The following PHYHIPL variants were observed in gnomAD, a reference collection of about 807,000 sequenced individuals.
The protein encoded by PHYHIPL is phytanoyl-CoA hydroxylase-interacting protein-like.
Under a neutral mutation model 33.4 loss-of-function variants are expected in PHYHIPL, and 9 were observed. The ratio of observed to expected loss-of-function variants is 0.27; its 90% confidence interval spans 0.16 to 0.47. The LOEUF (loss-of-function observed/expected upper bound fraction) is 0.47. PHYHIPL is among the 20% of genes least tolerant of loss of function. The pLI is 0.99. For synonymous variants in PHYHIPL, 153 were observed against 154.1 expected, an observed-to-expected ratio of 0.99 and a Z score of 0.05; for missense variants, 365 against 460.7, an observed-to-expected ratio of 0.79 and a Z score of 1.90.
chr10:59,187,264 G>T (rs190649685), intron 1 of PHYHIPL, among the ~76,000 whole-genome samples: 3 of 152,076 alleles, frequency 2.0e-5, no homozygotes, highest in Non-Finnish European at 4.4e-5. Flanking sequence ...GCTGGATTAC[G>T]TTTATTGATT....
intron 1 of PHYHIPL, among the ~76,000 whole-genome samples, chr10:59,205,664 G>GA: frequency 6.6e-6 from 1 of 152,224 alleles, no homozygotes; most frequent in Admixed American, 6.5e-5. Flanking sequence ...TTTTCAGGCA[G>GA]AAAAAGCAGA....
At position 59,246,856 on chromosome 10, in the gene PHYHIPL, GAC is replaced by G; in HGVS notation, c.*1269_*1270del. ...TGGACACATTAGATTATATACTACA[GAC>G]ACATATCTATCCAAAATACCTATTT... On this transcript the variant is annotated 3_prime_UTR_variant, in exon 5 of 5. Transcript: ENST00000373880. The G allele has an allele frequency of 2.6e-6, 1 of 379,250 alleles. No individual in the cohort carries two copies. Among genetic ancestry groups the G allele is most frequent in the Non-Finnish European group, 4.7e-6 (1 of 214,168 alleles). The allele number at this position is 379,250 out of a possible 1,614,324, so 23.5% of individuals were successfully genotyped here.
At chr10:59,198,175 G>A (rs914905006) in intron 1 of PHYHIPL, among the ~76,000 whole-genome samples, 2 of 151,922 alleles carry the variant, frequency 1.3e-5, no homozygotes, top group Admixed American at 6.6e-5. Context: ...TTTACATTAC[G>A]TATATCTCCT....
chr10:59,246,777 T>C lies in PHYHIPL; in HGVS notation c.*1186T>C. 2.5e-6 allele frequency: 1 copy of C among 394,840 alleles called. No homozygotes were observed. Among genetic ancestry groups the C allele is most frequent in the Non-Finnish European group, 4.5e-6 (1 of 223,684 alleles). 24.5% of individuals were successfully genotyped at this position (394,840 alleles called of 1,614,324 possible). A position where few individuals can be genotyped will look rare whatever the true frequency, so the allele number is the denominator to read the frequency against. ...CATTAAGAAAAATGTATATTCCCAA[T>C]GAAAAAATAGTTATATCATCTTATA... On this transcript the variant is annotated 3_prime_UTR_variant, in exon 5 of 5. Transcript: ENST00000373880.
chr10:59,193,413 A>T (rs1308393729), intron 1 of PHYHIPL, among the ~76,000 whole-genome samples: 1 of 152,216 alleles, frequency 6.6e-6, no homozygotes, highest in African/African-American at 2.4e-5. Flanking sequence ...TACAGTGCAT[A>T]AAATAAATGA....
intron 1 of PHYHIPL, chr10:59,177,431 T>G (rs1838284295): frequency 1.3e-6 from 2 of 1,484,948 alleles, no homozygotes; most frequent in South Asian, 1.4e-5. Context: ...ATCCTCAGAC[T>G]CCCCAAATTA....
chr10:59,217,468 C>G (rs1212909050), intron 1 of PHYHIPL, among the ~76,000 whole-genome samples: 2 of 151,806 alleles, frequency 1.3e-5, no homozygotes, highest in Non-Finnish European at 2.9e-5. Context: ...ACCTCTTGCT[C>G]ATTTTTCTCT....
At chr10:59,232,847 A>G (rs1039564818) in intron 1 of PHYHIPL, among the ~76,000 whole-genome samples, 6 of 151,952 alleles carry the variant, frequency 3.9e-5, no homozygotes, top group Admixed American at 1.3e-4. Context: ...AGCTTTTCAA[A>G]ATAGTACAAA....
intron 1 of PHYHIPL, among the ~76,000 whole-genome samples, chr10:59,220,501 G>T (rs183030022): frequency 1.3e-5 from 2 of 152,004 alleles, no homozygotes; most frequent in Non-Finnish European, 2.9e-5. Context: ...ATGAGGTAAT[G>T]GAAAATACTG....
At chr10:59,193,830 T>C (rs1477075495) in intron 1 of PHYHIPL, among the ~76,000 whole-genome samples, 1 of 152,122 alleles carries the variant, frequency 6.6e-6, no homozygotes, top group Non-Finnish European at 1.5e-5. Flanking sequence ...TACAACTTTT[T>C]TGGCTGTTAT....
chr10:59,211,665 A>G (rs72806593), intron 1 of PHYHIPL, among the ~76,000 whole-genome samples: 1 of 8,798 alleles, frequency 1.1e-4, no homozygotes, highest in African/African-American at 4.2e-4. Context: ...CGGACTCTCT[A>G]AAAAAAAAAA....
chr10:59,203,530 A>G (rs1238660041), intron 1 of PHYHIPL, among the ~76,000 whole-genome samples: 4 of 152,258 alleles, frequency 2.6e-5, no homozygotes, highest in East Asian at 1.9e-4. Flanking sequence ...ATGTCCATCA[A>G]TGATAGACTG....
chr10:59,209,302 T>C (rs1009105680), intron 1 of PHYHIPL, among the ~76,000 whole-genome samples: 2 of 152,088 alleles, frequency 1.3e-5, no homozygotes, highest in Non-Finnish European at 1.5e-5. Context: ...GAATTTTCAA[T>C]CCAGAATTTC....
At chr10:59,178,629 T>G (rs1315398806) in intron 1 of PHYHIPL, among the ~76,000 whole-genome samples, 1 of 152,164 alleles carries the variant, frequency 6.6e-6, no homozygotes, top group Non-Finnish European at 1.5e-5. Flanking sequence ...TCAATGGAAT[T>G]AGGCATTCAT....
chr10:59,177,713 C>A, intron 1 of PHYHIPL: 4 of 1,406,430 alleles, frequency 2.8e-6, no homozygotes, highest in Non-Finnish European at 3.9e-6. Flanking sequence ...CAGGTCTGAG[C>A]GTTGAAGACA....
At chr10:59,177,412 A>G in intron 1 of PHYHIPL, 2 of 1,426,742 alleles carry the variant, frequency 1.4e-6, no homozygotes, top group East Asian at 2.5e-5. Flanking sequence ...TTTCTTTTTT[A>G]AACCTCCCAT....
chr10:59,175,075 A>C (rs1319032915), upstream of PHYHIPL, among the ~76,000 whole-genome samples: 1 of 152,194 alleles, frequency 6.6e-6, no homozygotes, highest in Non-Finnish European at 1.5e-5. Context: ...TTGGGCTTAC[A>C]ATACCAATTT....
intron 1 of PHYHIPL, among the ~76,000 whole-genome samples, chr10:59,200,945 T>C (rs947113195): frequency 6.6e-6 from 1 of 152,170 alleles, no homozygotes; most frequent in African/African-American, 2.4e-5. Context: ...GATTCTTCTC[T>C]CTTTTCTTCT....
In PHYHIPL at chr10:59,247,360, C is replaced by T; in HGVS notation, c.*1769C>T. The T allele has an allele frequency of 2.2e-6, 1 of 452,104 alleles. No individual in the cohort carries two copies. Among genetic ancestry groups the T allele is most frequent in the Non-Finnish European group, 3.9e-6 (1 of 256,590 alleles). 28.0% of individuals were successfully genotyped at this position (452,104 alleles called of 1,614,324 possible). ...ACATTTTTAAAAATACTTGTATTGA[C>T]TATGAGTTTTCTGCTTGGCATGGAG... On this transcript the variant is annotated 3_prime_UTR_variant, in exon 5 of 5. Transcript: ENST00000373880.
Sources: allele counts gnomAD v4.1 joint callset (sites outside exome capture counted in the v4.1 genomes callset), GRCh38; gene constraint gnomAD v4.1.1; transcripts MANE v1.5; gene names NCBI Gene and HGNC (gene_info 2026-07-23, HGNC 2026-07-21).